Variants in TAFA2 observed in about 807,000 individuals in gnomAD.
TAFA2 encodes the protein chemokine-like protein TAFA-2.
Under a neutral mutation model 18.8 loss-of-function variants are expected in TAFA2, and 7 were observed. The observed-to-expected ratio is 0.37, with a 90% CI of 0.21 to 0.70. The LOEUF (loss-of-function observed/expected upper bound fraction) is 0.70. Among genes scored for constraint, TAFA2 ranks in the 30% least tolerant of loss-of-function variants. The pLI, the probability that TAFA2 is intolerant of heterozygous loss-of-function variation, is 0.53. For synonymous variants in TAFA2, 60 were observed against 54.2 expected, an observed-to-expected ratio of 1.11 and a Z score of -0.47; for missense variants, 122 against 158.1, an observed-to-expected ratio of 0.77 and a Z score of 1.23.
intron 1 of TAFA2, among the ~76,000 whole-genome samples, chr12:61,993,990 C>G (rs748485860): frequency 4.7e-4 from 71 of 152,260 alleles, no homozygotes; most frequent in South Asian, 4.1e-4. Flanking sequence ...AAACCTCTCA[C>G]AACCAGATCC....
At chr12:62,142,563 T>C (rs1744961746) in intron 1 of TAFA2, among the ~76,000 whole-genome samples, 1 of 152,082 alleles carries the variant, frequency 6.6e-6, no homozygotes, top group South Asian at 2.1e-4. Flanking sequence ...GACTACCCAA[T>C]ATTGGCCAAT....
chr12:62,043,487 T>G (rs558146767), intron 1 of TAFA2, among the ~76,000 whole-genome samples: 41 of 152,100 alleles, frequency 2.7e-4, no homozygotes, highest in Non-Finnish European at 5.0e-4. Context: ...GGGGGAGGGA[T>G]AGCATTAGGA....
chr12:62,024,735 C>G (rs1881259301), intron 1 of TAFA2, among the ~76,000 whole-genome samples: 1 of 151,988 alleles, frequency 6.6e-6, no homozygotes, highest in African/African-American at 2.4e-5. Flanking sequence ...TATCCAGAAT[C>G]TGTAAGAAAC....
At chr12:62,201,687 C>G (rs1350132928) in intron 1 of TAFA2, among the ~76,000 whole-genome samples, 1 of 151,730 alleles carries the variant, frequency 6.6e-6, no homozygotes, top group East Asian at 1.9e-4. Flanking sequence ...TTGGCCTGAA[C>G]TTTGTTGTTG....
intron 1 of TAFA2, among the ~76,000 whole-genome samples, chr12:61,933,475 G>A (rs1877645704): frequency 6.6e-6 from 1 of 152,152 alleles, no homozygotes; most frequent in Non-Finnish European, 1.5e-5. Context: ...ACTTTGGGAG[G>A]CAAAGGCAAG....
intron 2 of TAFA2, among the ~76,000 whole-genome samples, chr12:61,823,569 T>C (rs1199683573): frequency 1.3e-5 from 2 of 152,118 alleles, no homozygotes; most frequent in Non-Finnish European, 2.9e-5. Context: ...AATAAGTAGT[T>C]GTACCACATA....
intron 2 of TAFA2, among the ~76,000 whole-genome samples, chr12:61,802,287 AT>A (rs1421193557): frequency 3.9e-5 from 6 of 152,072 alleles, no homozygotes; most frequent in African/African-American, 7.2e-5. Context: ...AAATCAGTAT[AT>A]CAAAGAGATA....
chr12:62,143,120 T>C (rs1592362366), intron 1 of TAFA2, among the ~76,000 whole-genome samples: 1 of 152,158 alleles, frequency 6.6e-6, no homozygotes, highest in African/African-American at 2.4e-5. Flanking sequence ...ACTGGCTAAG[T>C]TTAAAATTTT....
Position 61,755,041 on chromosome 12 carries a change from G to A in TAFA2, c.107-17C>T, listed in dbSNP as rs56974293. The A allele has an allele frequency of 6.2e-7, 1 of 1,611,364 alleles. No individual in the cohort carries two copies. Among genetic ancestry groups the A allele is most frequent in the Admixed American group, 1.7e-5 (1 of 59,766 alleles). ...CATGGTGAGCTGCACAAACAAAAAAGATAAGACAACATTGAGAAAGCTTTG... is the reference window on the plus strand; with the variant it reads ...CATGGTGAGCTGCACAAACAAAAAAAATAAGACAACATTGAGAAAGCTTTG... On this transcript the variant is annotated splice_polypyrimidine_tract_variant and intron_variant, in intron 2 of 4. Coordinates refer to ENST00000416284, the MANE Select transcript of TAFA2 (RefSeq NM_178539.5).
chr12:61,833,238 C>A (rs903971204), intron 2 of TAFA2, among the ~76,000 whole-genome samples: 3 of 151,398 alleles, frequency 2.0e-5, no homozygotes, highest in African/African-American at 4.8e-5. Context: ...TAAAGTGAGA[C>A]AAAGCATCAT....
intron 2 of TAFA2, among the ~76,000 whole-genome samples, chr12:61,836,756 T>TAC (rs58707678): frequency 0.014 from 1,686 of 118,894 alleles, 40 homozygotes; most frequent in African/African-American, 0.034. Context: ...TATATATATA[T>TAC]ACACACACAC....
intron 4 of TAFA2, among the ~76,000 whole-genome samples, chr12:61,744,410 C>T (rs981567584): frequency 6.6e-6 from 1 of 151,994 alleles, no homozygotes; most frequent in African/African-American, 2.4e-5. Flanking sequence ...AAATACAGGC[C>T]AAGTTTTGGA....
At position 62,139,574 on chromosome 12, in the gene TAFA2, C is replaced by G. The variant is rs190773263; in HGVS notation, c.-2+51685G>C. On this transcript the variant is annotated intron_variant, in intron 1 of 4. Coordinates refer to ENST00000416284, the MANE Select transcript of TAFA2 (RefSeq NM_178539.5). ...TAATACCTCTTCTCCTGGTTTGGGA[C>G]AGAAGAAGGGATACTTTAGCCAACA... Among the ~76,000 whole-genome samples the G allele has an allele frequency of 6.6e-5, 10 of 152,268 alleles. No homozygotes were observed. The East Asian group carries it at 1.9e-3, about 29-fold the overall frequency.
Position 61,783,152 on chromosome 12 carries a change from A to C in TAFA2, c.107-28128T>G, listed in dbSNP as rs146226965. 2.4e-3 allele frequency among the ~76,000 whole-genome samples: 358 copies of C among 151,822 alleles called. 3 individuals carry two copies. The highest frequency in any genetic ancestry group is 4.1e-3 in the Non-Finnish European group (281 of 67,762). On this transcript the variant is annotated intron_variant, in intron 2 of 4. Transcript: ENST00000416284. ...CTGCTTACAGATAATTAACTACCTG[A>C]TGGACAGCCCCAGGCAAGAAAGTTT...
At chr12:61,844,936 A>T (rs1373649176) in intron 2 of TAFA2, among the ~76,000 whole-genome samples, 1 of 152,102 alleles carries the variant, frequency 6.6e-6, no homozygotes, top group Non-Finnish European at 1.5e-5. Flanking sequence ...CAAAGCAACT[A>T]TCCAAAATTC....
intron 1 of TAFA2, among the ~76,000 whole-genome samples, chr12:61,982,876 C>CAAAAAAAAAAAAA (rs3031097): frequency 2.1e-4 from 21 of 101,592 alleles, no homozygotes; most frequent in South Asian, 3.9e-4. Context: ...AAGTGGAAGG[C>CAAAAAAAAAAAAA]AAAAAAAAAA....
At chr12:61,925,574 C>A (rs1877253684) in intron 1 of TAFA2, among the ~76,000 whole-genome samples, 1 of 152,192 alleles carries the variant, frequency 6.6e-6, no homozygotes, top group East Asian at 1.9e-4. Context: ...ATCTCTGAAA[C>A]CAGAATCTCT....
chr12:61,834,856 C>T (rs919644997), intron 2 of TAFA2, among the ~76,000 whole-genome samples: 1 of 152,022 alleles, frequency 6.6e-6, no homozygotes, highest in Non-Finnish European at 1.5e-5. Flanking sequence ...TATTGCATAA[C>T]TTATTGAAGC....
At chr12:62,207,796 C>T (rs73317650) in intron 1 of TAFA2, among the ~76,000 whole-genome samples, 113 of 152,320 alleles carry the variant, frequency 7.4e-4, no homozygotes, top group African/African-American at 2.5e-3. Context: ...GTTACAAGCA[C>T]GTAGACATTT....
Sources: gnomAD v4.1 joint callset for allele counts (sites outside exome capture counted in the v4.1 genomes callset) on GRCh38, gnomAD v4.1.1 for gene constraint, MANE v1.5 for transcripts, NCBI Gene and HGNC (gene_info 2026-07-23, HGNC 2026-07-21) for gene names.